Variants in S100Z observed in about 807,000 individuals in gnomAD.
S100Z encodes the protein S100 calcium binding protein Z, also known as protein S100-Z.
Under a neutral mutation model 8.5 loss-of-function variants are expected in S100Z, and 11 were observed. The observed-to-expected ratio is 1.30, with a 90% confidence interval of 0.82 to 2.15. The LOEUF (loss-of-function observed/expected upper bound fraction) is 2.15. Ranked by LOEUF, S100Z falls within the 30% of genes most tolerant of loss-of-function variation. The pLI is 0.00. For missense variants in S100Z, 126 were observed against 117.9 expected, an observed-to-expected ratio of 1.07 and a Z score of -0.32; for synonymous variants, 34 against 43.8, an observed-to-expected ratio of 0.78 and a Z score of 0.89.
At chr5:76,902,454 G>A (rs763737498) in intron 4 of S100Z, among the ~76,000 whole-genome samples, 2 of 152,202 alleles carry the variant, frequency 1.3e-5, no homozygotes, top group Non-Finnish European at 2.9e-5. Flanking sequence ...CCAGTGCCCA[G>A]AAATGCCCTC....
chr5:76,917,905 G>A (rs1417672984), intron 4 of S100Z, among the ~76,000 whole-genome samples: 1 of 151,400 alleles, frequency 6.6e-6, no homozygotes, highest in African/African-American at 2.4e-5. Context: ...ATGTCAAAGT[G>A]CCAGTTTCCT....
chr5:76,923,490 T>C (rs1431828665), downstream of S100Z, among the ~76,000 whole-genome samples: 1 of 151,968 alleles, frequency 6.6e-6, no homozygotes, highest in Non-Finnish European at 1.5e-5. Flanking sequence ...ACTTTTAGAG[T>C]ATAGTGGGCC....
the S100Z span, among the ~76,000 whole-genome samples, chr5:76,945,298 TC>T: frequency 1.0e-3 from 157 of 152,312 alleles, no homozygotes; most frequent in Non-Finnish European, 2.0e-3. Context: ...CAAGGTTTCT[TC>T]CCGTGTGATA....
At chr5:76,867,778 C>T (rs1047358482) in intron 1 of S100Z, among the ~76,000 whole-genome samples, 55 of 151,938 alleles carry the variant, frequency 3.6e-4, no homozygotes, top group African/African-American at 1.1e-3. Flanking sequence ...GATGGGGTTT[C>T]GCCATGTTGG....
chr5:76,856,077 A>C lies in S100Z; in HGVS notation c.-176+5922A>C, dbSNP rs550454218. Among the ~76,000 whole-genome samples, 5 of 152,058 alleles carry C rather than the reference A, an allele frequency of 3.3e-5. No homozygotes were observed. The South Asian group carries it at 1.0e-3, about 32-fold the overall frequency. On this transcript the variant is annotated intron_variant, in intron 1 of 4. Transcript: ENST00000317593. ...CTTCCTCCTCCTCCGGCCACATAAG[A>C]TGTGTCTGTTTCCCCTTTGCCTTCT...
At chr5:76,893,211 A>C (rs893052506) in intron 4 of S100Z, among the ~76,000 whole-genome samples, 7 of 152,210 alleles carry the variant, frequency 4.6e-5, no homozygotes, top group Non-Finnish European at 7.3e-5. Flanking sequence ...AATTTGGTGT[A>C]AAAATTGCGG....
chr5:76,900,963 TC>T (rs1404890453), intron 4 of S100Z, among the ~76,000 whole-genome samples: 1 of 152,216 alleles, frequency 6.6e-6, no homozygotes, highest in African/African-American at 2.4e-5. Flanking sequence ...ACACTGTGGT[TC>T]TTGCAGAATT....
chr5:76,927,378 T>C, the S100Z span, among the ~76,000 whole-genome samples: 12 of 152,186 alleles, frequency 7.9e-5, no homozygotes, highest in African/African-American at 2.9e-4. Context: ...GATGCCAAGT[T>C]GTGCTCTCCC....
chr5:76,880,131 A>G (rs1743350900), intron 4 of S100Z, among the ~76,000 whole-genome samples: 1 of 152,222 alleles, frequency 6.6e-6, no homozygotes, highest in Non-Finnish European at 1.5e-5. Context: ...GAGAATTGCA[A>G]AGAACTTTCT....
chr5:76,919,175 A>G (rs1259768322), intron 4 of S100Z, among the ~76,000 whole-genome samples: 1 of 152,220 alleles, frequency 6.6e-6, no homozygotes, highest in African/African-American at 2.4e-5. Context: ...TTATGTGGAT[A>G]TAAGTTTTTA....
intron 4 of S100Z, among the ~76,000 whole-genome samples, chr5:76,918,856 C>T (rs1237499530): frequency 6.6e-6 from 1 of 152,200 alleles, no homozygotes; most frequent in African/African-American, 2.4e-5. Flanking sequence ...TCAACATTCC[C>T]TCCCACTTGT....
At chr5:76,937,447 T>C in the S100Z span, among the ~76,000 whole-genome samples, 1 of 152,116 alleles carries the variant, frequency 6.6e-6, no homozygotes, top group Non-Finnish European at 1.5e-5. Flanking sequence ...ACCTATTTTA[T>C]ATTTTACAAT....
Position 76,877,796 on chromosome 5 carries a change from T to C in S100Z, c.264T>C (p.Asp88=), listed in dbSNP as rs745645259. 1.7e-5 allele frequency: 28 copies of C among 1,613,478 alleles called. No homozygotes were observed. The highest frequency in any genetic ancestry group is 2.1e-5 in the Non-Finnish European group (25 of 1,179,550). Residue 88 remains aspartate (D), a synonymous_variant, in exon 4 of 5, where the codon GAT becomes GAC. Coordinates refer to ENST00000317593, the MANE Select transcript of S100Z (RefSeq NM_130772.4). ...MVAALTVACN[D]YFVEQLKKKG... ...CAGCTCTGACAGTTGCTTGTAATGA[T>C]TACTTTGTAGAACAATTGAAGAAGA...
At chr5:76,948,325 C>CTAAA in the S100Z span, among the ~76,000 whole-genome samples, 416 of 147,874 alleles carry the variant, frequency 2.8e-3, no homozygotes, top group African/African-American at 7.0e-3. Flanking sequence ...GACTCTGTCT[C>CTAAA]TAAATAAATA....
chr5:76,886,772 G>T (rs184042788), intron 4 of S100Z, among the ~76,000 whole-genome samples: 2 of 152,280 alleles, frequency 1.3e-5, no homozygotes, highest in East Asian at 1.9e-4. Context: ...TTGCAGGCAG[G>T]GGGTGGATCT....
At chr5:76,915,461 A>T (rs1162499958) in intron 4 of S100Z, among the ~76,000 whole-genome samples, 2 of 151,704 alleles carry the variant, frequency 1.3e-5, no homozygotes, top group African/African-American at 4.8e-5. Context: ...AAAAAAAATT[A>T]GCCAGGCATG....
intron 1 of S100Z, among the ~76,000 whole-genome samples, chr5:76,860,209 G>A (rs781207151): frequency 7.2e-5 from 11 of 152,042 alleles, no homozygotes; most frequent in African/African-American, 1.2e-4. Flanking sequence ...TGAGAAGACC[G>A]CTCCCATTGT....
chr5:76,919,907 A>ATTT (rs1184233230), intron 4 of S100Z, among the ~76,000 whole-genome samples: 3 of 122,224 alleles, frequency 2.5e-5, no homozygotes, highest in African/African-American at 3.1e-5. Flanking sequence ...CCCAGCTTTC[A>ATTT]TTTTTTTTTT....
intron 4 of S100Z, among the ~76,000 whole-genome samples, chr5:76,915,620 TAAATAAA>T (rs1744830737): frequency 6.6e-6 from 1 of 150,478 alleles, no homozygotes; most frequent in South Asian, 2.1e-4. Flanking sequence ...AGAAAATAAA[TAAATAAA>T]AAATAAAAAT....
Sources: allele counts gnomAD v4.1 joint callset (sites outside exome capture counted in the v4.1 genomes callset), GRCh38; gene constraint gnomAD v4.1.1; transcripts MANE v1.5; gene names NCBI Gene and HGNC (gene_info 2026-07-23, HGNC 2026-07-21).